KCNIP1: variants seen among roughly 807,000 people sequenced by gnomAD.
KCNIP1 encodes A-type potassium channel modulatory protein KCNIP1.
A neutral mutation model predicts 33.0 loss-of-function variants in KCNIP1; 18 were observed. The ratio of observed to expected loss-of-function variants is 0.55; its 90% confidence interval spans 0.38 to 0.81. The LOEUF is 0.81. KCNIP1 is among the 30% of genes least tolerant of loss of function. KCNIP1 has a pLI of 0.00. For missense variants in KCNIP1, 238 were observed against 271.6 expected (o/e 0.88, Z 0.87); for synonymous variants, 93 against 98.3 (o/e 0.95, Z 0.32).
intron 1 of KCNIP1, among the ~76,000 whole-genome samples, chr5:170,477,401 G>A (rs1756881640): frequency 6.6e-6 from 1 of 151,788 alleles, no homozygotes; most frequent in Non-Finnish European, 1.5e-5. Context: ...CTCTAAAGGT[G>A]TTTATTTCCT....
chr5:170,540,546 C>T (rs1160822592), intron 1 of KCNIP1, among the ~76,000 whole-genome samples: 2 of 152,152 alleles, frequency 1.3e-5, no homozygotes, highest in African/African-American at 4.8e-5. Flanking sequence ...TTCACAAGCC[C>T]ACCATGTGAT....
At chr5:170,413,176 A>G (rs1755242010) in intron 1 of KCNIP1, among the ~76,000 whole-genome samples, 1 of 152,188 alleles carries the variant, frequency 6.6e-6, no homozygotes, top group Non-Finnish European at 1.5e-5. Context: ...CAGAGAGCAG[A>G]CCAAGGCAGG....
At chr5:170,639,717 C>T (rs1760460552) in intron 1 of KCNIP1, among the ~76,000 whole-genome samples, 1 of 152,222 alleles carries the variant, frequency 6.6e-6, no homozygotes, top group Non-Finnish European at 1.5e-5. Context: ...CCCCCTGCCC[C>T]CATCACTTTG....
intron 1 of KCNIP1, chr5:170,385,406 T>A: frequency 6.2e-7 from 1 of 1,614,104 alleles, no homozygotes; most frequent in Middle Eastern, 1.6e-4. Flanking sequence ...AAAGGGCTCG[T>A]GTCTCTCCCC....
intron 1 of KCNIP1, among the ~76,000 whole-genome samples, chr5:170,547,619 G>T (rs1347346945): frequency 6.6e-6 from 1 of 152,150 alleles, no homozygotes; most frequent in Non-Finnish European, 1.5e-5. Context: ...GTGAGAACAT[G>T]TGGTATTCAG....
intron 1 of KCNIP1, among the ~76,000 whole-genome samples, chr5:170,490,782 C>T (rs1757189350): frequency 6.6e-6 from 1 of 152,198 alleles, no homozygotes; most frequent in Non-Finnish European, 1.5e-5. Flanking sequence ...TCCTCTCCAA[C>T]CTCTCCCCAA....
intron 1 of KCNIP1, among the ~76,000 whole-genome samples, chr5:170,390,517 A>AAAAAAATATATATATATATATATAT: frequency 1.3e-5 from 1 of 74,546 alleles, no homozygotes; most frequent in African/African-American, 6.4e-5. Flanking sequence ...AAAAAAAACA[A>AAAAAAATATATATATATATATATAT]ATATATATAT....
At chr5:170,464,533 G>T (rs2113116312) in intron 1 of KCNIP1, among the ~76,000 whole-genome samples, 1 of 152,278 alleles carries the variant, frequency 6.6e-6, no homozygotes, top group East Asian at 1.9e-4. Context: ...ACTGAGTACG[G>T]TAATATTTAT....
intron 1 of KCNIP1, among the ~76,000 whole-genome samples, chr5:170,567,695 A>T (rs1232954691): frequency 6.6e-6 from 1 of 152,222 alleles, no homozygotes; most frequent in Non-Finnish European, 1.5e-5. Flanking sequence ...GTGGATGTGG[A>T]TGGAGGTCAA....
intron 1 of KCNIP1, among the ~76,000 whole-genome samples, chr5:170,433,482 T>A (rs1417470553): frequency 6.6e-6 from 1 of 152,210 alleles, no homozygotes; most frequent in Non-Finnish European, 1.5e-5. Context: ...CCACTGTACC[T>A]GGCTGGTACC....
chr5:170,377,327 A>C (rs370163005), intron 1 of KCNIP1: 11 of 152,292 alleles, frequency 7.2e-5, no homozygotes, highest in African/African-American at 2.6e-4. Flanking sequence ...GAGAGTGTGC[A>C]TTTCTCACAA....
chr5:170,412,981 T>TG (rs375573739), intron 1 of KCNIP1, among the ~76,000 whole-genome samples: 18 of 152,298 alleles, frequency 1.2e-4, no homozygotes, highest in African/African-American at 4.3e-4. Flanking sequence ...CCCTCTGGAA[T>TG]GGAAACTGCA....
intron 1 of KCNIP1, among the ~76,000 whole-genome samples, chr5:170,658,887 T>C (rs891492083): frequency 6.6e-6 from 1 of 152,192 alleles, no homozygotes; most frequent in African/African-American, 2.4e-5. Context: ...CATTCTCAGG[T>C]TCCTGTTGGG....
rs983555559 is a variant in KCNIP1, at chr5:170,733,048, G to T, written c.540+144G>T. On this transcript the variant is annotated intron_variant, in intron 6 of 7. Transcript: ENST00000328939. ...GAATTATAAGATACATTGTCCTCAA[G>T]AAACAGATGATCTCCTTAAGCTGCA... is the stretch of plus-strand genomic sequence containing the variant. The T allele has an allele frequency of 5.3e-6, 3 of 570,824 alleles. No individual in the cohort carries two copies. In the African/African-American group the frequency reaches 5.6e-5, roughly 11 times the overall value. The allele number at this position is 570,824 out of a possible 1,614,324, so 35.4% of individuals were successfully genotyped here.
chr5:170,434,160 T>G (rs2113451504), intron 1 of KCNIP1, among the ~76,000 whole-genome samples: 1 of 152,284 alleles, frequency 6.6e-6, no homozygotes, highest in South Asian at 2.1e-4. Context: ...TGAGCCTCAA[T>G]TTTTTGTTTT....
chr5:170,522,792 T>C (rs1755411563), intron 1 of KCNIP1, among the ~76,000 whole-genome samples: 1 of 152,200 alleles, frequency 6.6e-6, no homozygotes, highest in Non-Finnish European at 1.5e-5. Flanking sequence ...TTCTCCCTGA[T>C]CTCTGTAAGG....
intron 1 of KCNIP1, among the ~76,000 whole-genome samples, chr5:170,367,369 GAAAGAAA>G (rs1763699527): frequency 5.3e-5 from 5 of 94,490 alleles, no homozygotes; most frequent in African/African-American, 2.3e-4. Context: ...AAGAAAGAAA[GAAAGAAA>G]GAAAGAAAGA....
intron 1 of KCNIP1, among the ~76,000 whole-genome samples, chr5:170,465,162 A>C (rs1455884415): frequency 6.6e-6 from 1 of 152,204 alleles, no homozygotes; most frequent in Non-Finnish European, 1.5e-5. Context: ...AACATGCTAC[A>C]GTTTGTGAGG....
chr5:170,456,882 C>T (rs1213817003), intron 1 of KCNIP1, among the ~76,000 whole-genome samples: 1 of 151,898 alleles, frequency 6.6e-6, no homozygotes, highest in Non-Finnish European at 1.5e-5. Context: ...CCATGTCCAG[C>T]TAATGTTTTC....
Sources: gnomAD v4.1 joint callset for allele counts (sites outside exome capture counted in the v4.1 genomes callset) on GRCh38, gnomAD v4.1.1 for gene constraint, MANE v1.5 for transcripts, NCBI Gene and HGNC (gene_info 2026-07-23, HGNC 2026-07-21) for gene names.